Variants in CEP63 observed in about 807,000 individuals in gnomAD.
CEP63 encodes the protein centrosomal protein of 63 kDa.
In CEP63, 84 loss-of-function variants were observed where a neutral mutation model predicts 89.1. The observed-to-expected ratio is 0.94, with a 90% CI of 0.79 to 1.13. CEP63 has a LOEUF of 1.13. Ranked by LOEUF, CEP63 falls within the 50% of genes most tolerant of loss-of-function variation. CEP63 has a pLI of 0.00. For synonymous variants in CEP63, 267 were observed against 272.5 expected, an observed-to-expected ratio of 0.98 and a Z score of 0.20; for missense variants, 838 against 813.3, an observed-to-expected ratio of 1.03 and a Z score of -0.37.
At chr3:134,766,268 G>A in the CEP63 span, among the ~76,000 whole-genome samples, 1 of 152,204 alleles carries the variant, frequency 6.6e-6, no homozygotes, top group Non-Finnish European at 1.5e-5. Context: ...CTGCAGATGT[G>A]TATAGCCCTC....
chr3:134,757,791 T>C, the CEP63 span, among the ~76,000 whole-genome samples: 2 of 152,006 alleles, frequency 1.3e-5, no homozygotes, highest in Admixed American at 6.5e-5. Flanking sequence ...CCAAAGGTAG[T>C]GGTGCTAAAG....
At chr3:134,744,321 T>C in the CEP63 span, among the ~76,000 whole-genome samples, 5,658 of 152,270 alleles carry the variant, frequency 0.037, 358 homozygotes, top group African/African-American at 0.13. Flanking sequence ...CATTAGGCTA[T>C]ACCTGAACAC....
chr3:134,529,554 T>G (rs1949441718), intron 3 of CEP63, among the ~76,000 whole-genome samples: 2 of 152,178 alleles, frequency 1.3e-5, no homozygotes, highest in South Asian at 4.1e-4. Flanking sequence ...TTGGCCAGGC[T>G]GGTCTCAAAC....
In CEP63 at chr3:134,542,387, G is replaced by GT. The variant is rs531761699; in HGVS notation, c.556-3198dup. Reference sequence around the variant, plus strand: ...GCTTAGACCTACTGTTTAAAAGTTCGTAGTAGCATAGACACAACAGTGATA... The same window carrying GT: ...GCTTAGACCTACTGTTTAAAAGTTCGTTAGTAGCATAGACACAACAGTGATA... On this transcript the variant is annotated intron_variant, in intron 6 of 14. Coordinates refer to ENST00000675561, the MANE Select transcript of CEP63 (RefSeq NM_001353108.3). 4.6e-3 allele frequency among the ~76,000 whole-genome samples: 694 copies of GT among 152,252 alleles called. 2 individuals are homozygous for GT. The highest frequency in any genetic ancestry group is 0.016 in the African/African-American group (668 of 41,544).
At chr3:134,545,470 A>G in intron 6 of CEP63, 116 bp from the exon 7 acceptor site, 2 of 700,472 alleles carry the variant, frequency 2.9e-6, no homozygotes, top group Non-Finnish European at 4.9e-6. Flanking sequence ...ATATATATAT[A>G]TTTTAGTGAG....
At chr3:134,488,649 AC>A (rs1199635864) in intron 1 of CEP63, among the ~76,000 whole-genome samples, 1 of 152,114 alleles carries the variant, frequency 6.6e-6, no homozygotes, top group Non-Finnish European at 1.5e-5. Flanking sequence ...CTCCCCCAAA[AC>A]ATTTCATATG....
the CEP63 span, chr3:134,619,137 G>A: frequency 1.2e-6 from 2 of 1,607,960 alleles, no homozygotes; most frequent in South Asian, 1.1e-5. Context: ...GGGGACTCCT[G>A]TCTCTCGTAC....
chr3:134,686,377 T>C, the CEP63 span, among the ~76,000 whole-genome samples: 59 of 152,238 alleles, frequency 3.9e-4, no homozygotes, highest in East Asian at 0.011. Flanking sequence ...TGCACACCTG[T>C]TTTTCTGGGC....
the CEP63 span, among the ~76,000 whole-genome samples, chr3:134,695,431 T>C: frequency 1 from 152,312 of 152,348 alleles, 76,138 homozygotes; most frequent in Middle Eastern, 1. Flanking sequence ...TACAGAGAGA[T>C]GGGGCCTGCC....
chr3:134,767,746 G>A, the CEP63 span, among the ~76,000 whole-genome samples: 1 of 152,160 alleles, frequency 6.6e-6, no homozygotes, highest in East Asian at 1.9e-4. Context: ...CGAGGGCTTT[G>A]TTTTTTGAAA....
At chr3:134,578,057 A>C (rs984575715), downstream of CEP63, among the ~76,000 whole-genome samples, 8 of 152,104 alleles carry the variant, frequency 5.3e-5, no homozygotes, top group Admixed American at 2.6e-4. Context: ...TGTCTTTGCT[A>C]TTGTAAACAG....
At chr3:134,613,833 T>C in the CEP63 span, among the ~76,000 whole-genome samples, 1 of 152,212 alleles carries the variant, frequency 6.6e-6, no homozygotes, top group African/African-American at 2.4e-5. Flanking sequence ...AAGACGATGA[T>C]TGTGGAACCC....
chr3:134,677,414 C>T, the CEP63 span, among the ~76,000 whole-genome samples: 2 of 152,214 alleles, frequency 1.3e-5, no homozygotes, highest in South Asian at 2.1e-4. Flanking sequence ...ACTGCGCGGG[C>T]ACTCTACTGC....
At chr3:134,728,728 T>G in the CEP63 span, among the ~76,000 whole-genome samples, 6 of 152,214 alleles carry the variant, frequency 3.9e-5, no homozygotes, top group Non-Finnish European at 7.3e-5. Flanking sequence ...ATAAAAAATT[T>G]TATATGATGC....
intron 12 of CEP63, among the ~76,000 whole-genome samples, chr3:134,554,793 G>A (rs1955788608): frequency 1.3e-5 from 2 of 152,124 alleles, no homozygotes; most frequent in Admixed American, 6.6e-5. Flanking sequence ...GTGTGAGATG[G>A]TATCTCATTG....
chr3:134,766,095 G>A, the CEP63 span, among the ~76,000 whole-genome samples: 16 of 152,194 alleles, frequency 1.1e-4, no homozygotes, highest in African/African-American at 3.9e-4. Flanking sequence ...GAAGAAGGAG[G>A]GTGCTCTGGT....
chr3:134,635,702 C>T, the CEP63 span, among the ~76,000 whole-genome samples: 6 of 152,108 alleles, frequency 3.9e-5, no homozygotes, highest in South Asian at 1.2e-3. Flanking sequence ...ATCAGAACTA[C>T]ACACTACAAA....
the CEP63 span, chr3:134,651,699 A>C: frequency 1.2e-6 from 1 of 814,912 alleles, no homozygotes; most frequent in Non-Finnish European, 1.5e-6. Flanking sequence ...TCTGAAACGA[A>C]AGTCTTAAAG....
chr3:134,607,629 A>C, the CEP63 span: 35 of 985,538 alleles, frequency 3.6e-5, no homozygotes, highest in African/African-American at 5.8e-4. Context: ...GGCATAAGAG[A>C]CAATCTTCCA....
Sources: gnomAD v4.1 joint callset for allele counts (sites outside exome capture counted in the v4.1 genomes callset) on GRCh38, gnomAD v4.1.1 for gene constraint, MANE v1.5 for transcripts, NCBI Gene and HGNC (gene_info 2026-07-23, HGNC 2026-07-21) for gene names.